Variants in MARCHF3 observed in about 807,000 individuals in gnomAD.
MARCHF3 encodes E3 ubiquitin-protein ligase MARCHF3.
MARCHF3 carries 13 observed loss-of-function variants against 24.2 expected under a neutral mutation model. The ratio of observed to expected loss-of-function variants is 0.54; its 90% confidence interval spans 0.35 to 0.85. The LOEUF (loss-of-function observed/expected upper bound fraction) is 0.85. Ranked by LOEUF, MARCHF3 falls within the 40% of genes least tolerant of loss-of-function variation. The pLI is 0.01. For missense variants in MARCHF3, 276 were observed against 325.0 expected, an observed-to-expected ratio of 0.85 and a Z score of 1.16; for synonymous variants, 144 against 137.3, an observed-to-expected ratio of 1.05 and a Z score of -0.34.
chr5:126,986,315 T>G (rs1382219111), intron 1 of MARCHF3, among the ~76,000 whole-genome samples: 1 of 152,180 alleles, frequency 6.6e-6, no homozygotes, highest in Non-Finnish European at 1.5e-5. Context: ...TACCCACAAT[T>G]AAAGCATTCA....
chr5:126,968,217 T>G (rs1348049705), intron 1 of MARCHF3, among the ~76,000 whole-genome samples: 1 of 152,236 alleles, frequency 6.6e-6, no homozygotes, highest in Non-Finnish European at 1.5e-5. Flanking sequence ...GTTGGGTTGT[T>G]TCCACATACA....
intron 3 of MARCHF3, among the ~76,000 whole-genome samples, chr5:126,909,409 CT>C (rs1754428551): frequency 6.6e-6 from 1 of 152,254 alleles, no homozygotes; most frequent in Admixed American, 6.5e-5. Flanking sequence ...GCGGGCGCCC[CT>C]CCCCCAGCCT....
At chr5:126,897,415 C>T (rs1266253171) in intron 3 of MARCHF3, among the ~76,000 whole-genome samples, 1 of 151,782 alleles carries the variant, frequency 6.6e-6, no homozygotes, top group Non-Finnish European at 1.5e-5. Flanking sequence ...TCTCCTTACT[C>T]CTCAAATAAA....
At chr5:127,013,334 G>A (rs1201515102) in intron 1 of MARCHF3, among the ~76,000 whole-genome samples, 3 of 152,108 alleles carry the variant, frequency 2.0e-5, no homozygotes, top group African/African-American at 7.2e-5. Context: ...AAATTAAAAG[G>A]AAAGGAAAAG....
rs374031218 is a variant in MARCHF3 at position 126,974,047 on chromosome 5, G to A, written c.-56-55820C>T. Among the ~76,000 whole-genome samples, 210 of 151,748 alleles carry A rather than the reference G, an allele frequency of 1.4e-3. 2 individuals carry two copies. Among genetic ancestry groups the A allele is most frequent in the African/African-American group, 4.8e-3 (197 of 41,334 alleles). ...CGAGTAGCTGGGACTACAGGCGCCC[G>A]CCACCGCGCCCGGCTAATTTTTTGT... On this transcript the variant is annotated intron_variant, in intron 1 of 4. Coordinates refer to ENST00000308660, the MANE Select transcript of MARCHF3 (RefSeq NM_178450.5).
intron 3 of MARCHF3, chr5:126,899,356 A>G (rs1440238506): frequency 1.1e-5 from 11 of 958,670 alleles, no homozygotes; most frequent in African/African-American, 1.8e-5. Context: ...TTGCAAAATA[A>G]GGTTTACCAA....
At chr5:126,923,575 TC>T (rs893662704) in intron 1 of MARCHF3, among the ~76,000 whole-genome samples, 21 of 152,206 alleles carry the variant, frequency 1.4e-4, no homozygotes, top group African/African-American at 5.1e-4. Flanking sequence ...ACCTCCATAT[TC>T]AACCTTCATA....
intron 1 of MARCHF3, among the ~76,000 whole-genome samples, chr5:127,005,519 A>G (rs1420527577): frequency 6.6e-6 from 1 of 152,120 alleles, no homozygotes; most frequent in Non-Finnish European, 1.5e-5. Flanking sequence ...TCACATCCTC[A>G]TCCAGGGGGT....
At chr5:127,006,593 G>A (rs1434281285) in intron 1 of MARCHF3, among the ~76,000 whole-genome samples, 1 of 152,102 alleles carries the variant, frequency 6.6e-6, no homozygotes, top group Non-Finnish European at 1.5e-5. Context: ...TACTACTGAA[G>A]TTGCTTATTA....
chr5:127,001,137 C>G (rs1004065303), intron 1 of MARCHF3, among the ~76,000 whole-genome samples: 2 of 151,782 alleles, frequency 1.3e-5, no homozygotes, highest in Non-Finnish European at 2.9e-5. Context: ...ACTCGGGAGG[C>G]TGAGGCAGGA....
intron 1 of MARCHF3, among the ~76,000 whole-genome samples, chr5:126,935,601 C>CTT (rs202058243): frequency 0.035 from 2,494 of 70,620 alleles, 588 homozygotes; most frequent in Non-Finnish European, 0.052. Flanking sequence ...GTATATATGG[C>CTT]TTTTTTTTTT....
At chr5:126,972,026 T>A (rs1751032824) in intron 1 of MARCHF3, among the ~76,000 whole-genome samples, 1 of 152,136 alleles carries the variant, frequency 6.6e-6, no homozygotes, top group South Asian at 2.1e-4. Flanking sequence ...CCTAGAAATA[T>A]GAGAAAAAAC....
rs77500199 is a variant in MARCHF3, at chr5:126,997,804, A to C, written c.-57+32546T>G. On this transcript the variant is annotated intron_variant, in intron 1 of 4. Transcript: ENST00000308660. ...CATTGCCCATTTGGTACACCTGGTC[A>C]ACCTAGGCTTGCCTGCTACCACTAT... Among the ~76,000 whole-genome samples the C allele has an allele frequency of 8.3e-3, 1,266 of 152,340 alleles. 24 individuals are homozygous for C. Among genetic ancestry groups the C allele is most frequent in the African/African-American group, 0.029 (1,185 of 41,576 alleles).
At chr5:126,978,167 C>G (rs1355428667) in intron 1 of MARCHF3, among the ~76,000 whole-genome samples, 1 of 152,120 alleles carries the variant, frequency 6.6e-6, no homozygotes, top group African/African-American at 2.4e-5. Flanking sequence ...CACTCTACCC[C>G]CAAAACCCTC....
At chr5:126,974,258 C>T (rs115542926) in intron 1 of MARCHF3, among the ~76,000 whole-genome samples, 3,097 of 152,238 alleles carry the variant, frequency 0.02, 75 homozygotes, top group South Asian at 0.11. Flanking sequence ...GGGACCCTTC[C>T]CTCCCTCAAG....
intron 1 of MARCHF3, among the ~76,000 whole-genome samples, chr5:127,023,856 T>C (rs951802226): frequency 6.6e-6 from 1 of 152,092 alleles, no homozygotes; most frequent in African/African-American, 2.4e-5. Flanking sequence ...ATTAGCAGCC[T>C]CCAGGTCAAG....
chr5:127,014,938 A>G (rs1038457602), intron 1 of MARCHF3, among the ~76,000 whole-genome samples: 1 of 152,156 alleles, frequency 6.6e-6, no homozygotes, highest in Non-Finnish European at 1.5e-5. Context: ...GTTAACAATG[A>G]TATATTATAT....
In MARCHF3 at chr5:126,870,622, C is replaced by A; in HGVS notation, c.*11G>T. The A allele has an allele frequency of 1.2e-6, 2 of 1,613,512 alleles. No individual in the cohort carries two copies. The highest frequency in any genetic ancestry group is 1.3e-5 in the African/African-American group (1 of 74,984). On this transcript the variant is annotated 3_prime_UTR_variant, in exon 5 of 5. Coordinates refer to ENST00000308660, the MANE Select transcript of MARCHF3 (RefSeq NM_178450.5). Reference sequence around the variant, plus strand: ...AACAATGAATCAAACAACCAACCAACCATACAAACATCAAACAACTGTCTC... The same window carrying A: ...AACAATGAATCAAACAACCAACCAAACATACAAACATCAAACAACTGTCTC...
intron 1 of MARCHF3, among the ~76,000 whole-genome samples, chr5:126,996,404 G>T (rs529902540): frequency 3.3e-5 from 5 of 152,256 alleles, no homozygotes; most frequent in African/African-American, 1.2e-4. Context: ...TGAGTCACTT[G>T]TACTTGCTAT....
Sources: allele counts gnomAD v4.1 joint callset (sites outside exome capture counted in the v4.1 genomes callset), GRCh38; gene constraint gnomAD v4.1.1; transcripts MANE v1.5; gene names NCBI Gene and HGNC (gene_info 2026-07-23, HGNC 2026-07-21).